The following SLTM variants were observed in gnomAD, a reference collection of about 807,000 sequenced individuals.
The protein encoded by SLTM is SAFB-like transcription modulator.
Under a neutral mutation model 134.6 loss-of-function variants are expected in SLTM, and 43 were observed. The observed-to-expected ratio is 0.32, with a 90% CI of 0.25 to 0.41. SLTM has a LOEUF of 0.41. Among genes scored for constraint, SLTM ranks in the 10% least tolerant of loss-of-function variants. The probability of loss-of-function intolerance (pLI) is 1.00; values close to 1 mark genes in which losing one functional copy is unlikely to be tolerated. For missense variants in SLTM, 1,055 were observed against 1,288.8 expected (o/e 0.82, Z 2.78); for synonymous variants, 424 against 432.3 (o/e 0.98, Z 0.24).
At chr15:58,925,180 A>G (rs1174360208) in intron 2 of SLTM, among the ~76,000 whole-genome samples, 6 of 152,172 alleles carry the variant, frequency 3.9e-5, no homozygotes, top group African/African-American at 9.6e-5. Flanking sequence ...CCTCTTCCCA[A>G]TTGCATGGAG....
At position 58,899,841 on chromosome 15, in the gene SLTM, A is replaced by C. The variant is rs766100233; in HGVS notation, c.686T>G (p.Met229Arg). ...AEADHTAHEE[M>R]EAHTTVKEAE... ...TTCTTTCACAGTCGTATGAGCTTCC[A>C]TCTCTTCATGAGCTGTGTGATCAGC... The change falls in exon 7 of 21, where the codon ATG becomes AGG. Residue 229 changes from methionine (M) to arginine (R), a missense_variant. Met to Arg is a moderately conservative substitution (Grantham distance 91, BLOSUM62 -1). Coordinates refer to ENST00000380516, the MANE Select transcript of SLTM (RefSeq NM_024755.4). This position sits in a 1 kb window ranked among gnomAD's most constrained non-coding sequence, Gnocchi z 5.0. 5 of 1,614,166 alleles carry C rather than the reference A, an allele frequency of 3.1e-6. No homozygotes were observed. The South Asian group carries it at 5.5e-5, about 18-fold the overall frequency.
chr15:58,887,032 C>A lies in SLTM; in HGVS notation c.2778G>T (p.Gly926=), dbSNP rs2140953847. 1 of 1,613,468 alleles carries A rather than the reference C, an allele frequency of 6.2e-7. No individual in the cohort carries two copies. Among genetic ancestry groups the A allele is most frequent in the South Asian group, 1.1e-5 (1 of 91,052 alleles). ...CTCTGTCTCCCTCTCTGCTCCCGTA[C>A]CCCGAAGCGCTGCTACGATTCCCAG... ...APPGNRSSAS[G]YGSREGDRGV... The change falls in exon 19 of 21, where the codon GGG becomes GGT. Residue 926 remains glycine, a synonymous_variant. Transcript: ENST00000380516.
At position 58,933,552 on chromosome 15, in the gene SLTM, G is replaced by A. The variant is rs1444857453; in HGVS notation, c.14C>T (p.Thr5Ile). ...GGCGGCCGAGGCTGCCACCGCACCG[G>A]TAGCGGCAGCCATCTTAGAAGAGCA... MAAA[T>I]GAVAASAASG... The change falls in exon 1 of 21, where the codon ACC (threonine) becomes ATC (isoleucine). Residue 5 changes from threonine (T) to isoleucine (I), a missense_variant. Thr to Ile is a moderately conservative substitution (Grantham distance 89). Around this residue, in one of 3 missense-constraint regions of SLTM, gnomAD observed 268 missense variants for 284.3 expected, o/e 0.94. Coordinates refer to ENST00000380516, the MANE Select transcript of SLTM (RefSeq NM_024755.4). 1.9e-6 allele frequency: 3 copies of A among 1,593,886 alleles called. No homozygotes were observed. Among genetic ancestry groups the A allele is most frequent in the Non-Finnish European group, 2.6e-6 (3 of 1,171,712 alleles).
intron 5 of SLTM, among the ~76,000 whole-genome samples, chr15:58,904,929 T>G (rs918368338): frequency 1.3e-5 from 2 of 152,146 alleles, no homozygotes; most frequent in Admixed American, 1.3e-4. Flanking sequence ...CAAGATGGTC[T>G]CTAACTCCCA....
Position 58,901,404 on chromosome 15 carries a change from T to C in SLTM, c.562-117A>G, listed in dbSNP as rs541140457. Reference sequence around the variant, plus strand: ...ATAATTTAATGATATTATTTAGGGATACCTAACACTAACAAATAAATAGGC... The same window carrying C: ...ATAATTTAATGATATTATTTAGGGACACCTAACACTAACAAATAAATAGGC... On this transcript the variant is annotated intron_variant, in intron 5 of 20. Coordinates refer to ENST00000380516, the MANE Select transcript of SLTM (RefSeq NM_024755.4). 16 of 758,134 alleles carry C rather than the reference T, an allele frequency of 2.1e-5. No individual in the cohort carries two copies. In the South Asian group the frequency reaches 2.6e-4, roughly 13 times the overall value. 47.0% of individuals were successfully genotyped at this position (758,134 alleles called of 1,614,324 possible).
At chr15:58,905,401 A>C (rs1289489661) in intron 5 of SLTM, among the ~76,000 whole-genome samples, 2 of 152,088 alleles carry the variant, frequency 1.3e-5, no homozygotes, top group African/African-American at 4.8e-5. Context: ...GACTAAATTA[A>C]CTTAAAGAAT....
In SLTM at chr15:58,933,660, C is replaced by CGCGCAGCGCT; in HGVS notation, c.-105_-96dup. ...CCCAGGCCTCGGCGGCCGCCGGCGC[C>CGCGCAGCGCT]GCGCAGCGCTGCGCACAATGAGCCG... is the stretch of plus-strand genomic sequence containing the variant. On this transcript the variant is annotated 5_prime_UTR_variant, in exon 1 of 21. Transcript: ENST00000380516. 2.9e-6 allele frequency: 4 copies of CGCGCAGCGCT among 1,362,966 alleles called. No homozygotes were observed. The highest frequency in any genetic ancestry group is 3.8e-6 in the Non-Finnish European group (4 of 1,063,072). 84.4% of individuals were successfully genotyped at this position (1,362,966 alleles called of 1,614,324 possible). A position where few individuals can be genotyped will look rare whatever the true frequency, so the allele number is the denominator to read the frequency against.
At chr15:58,919,466 G>A (rs1282851403) in intron 2 of SLTM, among the ~76,000 whole-genome samples, 1 of 152,002 alleles carries the variant, frequency 6.6e-6, no homozygotes, top group African/African-American at 2.4e-5. Context: ...TGGGTGTCGC[G>A]GTGTATGCCG....
intron 2 of SLTM, among the ~76,000 whole-genome samples, chr15:58,926,971 T>C (rs1478509009): frequency 1.3e-5 from 2 of 152,124 alleles, no homozygotes; most frequent in Admixed American, 6.6e-5. Context: ...AAATGACATA[T>C]ACAACCTCTG....
chr15:58,899,113 A>T lies in SLTM; in HGVS notation c.1059-261T>A. ...ATCTTCTCCAGATTTCAGGACTGGG[A>T]CTTGACTTCATTTTGTGTTCTTAGA... On this transcript the variant is annotated intron_variant, in intron 7 of 20. Coordinates refer to ENST00000380516, the MANE Select transcript of SLTM (RefSeq NM_024755.4). The surrounding 1 kb of genome is among the most constrained non-coding windows in gnomAD (Gnocchi z 5.0). 1 of 442,630 alleles carries T rather than the reference A, an allele frequency of 2.3e-6. No homozygotes were observed. The highest frequency in any genetic ancestry group is 4.0e-6 in the Non-Finnish European group (1 of 251,522). The allele number at this position is 442,630 out of a possible 1,614,324, so 27.4% of individuals were successfully genotyped here. A position where few individuals can be genotyped will look rare whatever the true frequency, so the allele number is the denominator to read the frequency against.
intron 2 of SLTM, among the ~76,000 whole-genome samples, chr15:58,917,919 T>C (rs1246541778): frequency 6.6e-6 from 1 of 151,996 alleles, no homozygotes; most frequent in Non-Finnish European, 1.5e-5. Context: ...CTGGCTAATT[T>C]TTGTATTTTT....
chr15:58,894,686 G>T (rs555140995), intron 9 of SLTM, 104 bp from the exon 10 acceptor site: 80 of 932,892 alleles, frequency 8.6e-5, no homozygotes, highest in African/African-American at 3.2e-4. Context: ...AATTCAGGGT[G>T]TATCTTATTC....
At chr15:58,921,478 A>C (rs2037040818) in intron 2 of SLTM, 2 of 259,276 alleles carry the variant, frequency 7.7e-6, no homozygotes, top group South Asian at 7.2e-5. Flanking sequence ...AGGCAACAAG[A>C]GGCAGCACTG....
chr15:58,887,437 T>C lies in SLTM; in HGVS notation c.2479A>G (p.Arg827Gly), dbSNP rs199993505. The change falls in exon 18 of 21, where the codon AGA (arginine) becomes GGA (glycine). Residue 827 changes from arginine to glycine, a missense_variant. Physicochemically the swap from Arg to Gly is moderately radical, Grantham distance 125. Transcript: ENST00000380516. ...CTTGGTGGTGGAGGCTCATTTCTTC[T>C]GGAGTCACTGAAATTTTTGGGATAT... The part of the protein sequence containing the change: ...ERYPKNFSDS[R>G]RNEPPPPRNE... 6.2e-7 allele frequency: 1 copy of C among 1,614,142 alleles called. No homozygotes were observed. The highest frequency in any genetic ancestry group is 1.7e-5 in the Admixed American group (1 of 60,014).
In SLTM at chr15:58,904,277, C is replaced by T. The variant is rs187970610; in HGVS notation, c.562-2990G>A. ...CTACCTGCCTCGGCCTCCCAAAGTG[C>T]TGGGATTACAGGCATGAGCTGCCAC... On this transcript the variant is annotated intron_variant, in intron 5 of 20. Coordinates refer to ENST00000380516, the MANE Select transcript of SLTM (RefSeq NM_024755.4). Among the ~76,000 whole-genome samples, 571 of 152,300 alleles carry T rather than the reference C, an allele frequency of 3.7e-3. 8 individuals carry two copies. The highest frequency in any genetic ancestry group is 0.033 in the Admixed American group (502 of 15,300).
In SLTM at chr15:58,930,376, C is replaced by T. The variant is rs752744342; in HGVS notation, c.250+1980G>A. ...AATTCCCGACCGCAGGTGATCCACC[C>T]GCCTCAGCCTCTCAAACTGCTGGGA... On this transcript the variant is annotated intron_variant, in intron 2 of 20. Transcript: ENST00000380516. Among the ~76,000 whole-genome samples the T allele has an allele frequency of 1.1e-3, 162 of 151,366 alleles. 1 individual carries two copies. The highest frequency in any genetic ancestry group is 2.0e-3 in the Non-Finnish European group (136 of 67,834).
At position 58,933,670 on chromosome 15, in the gene SLTM, T is replaced by G. The variant is rs1210949536; in HGVS notation, c.-105A>C. 6 of 1,327,392 alleles carry G rather than the reference T, an allele frequency of 4.5e-6. No homozygotes were observed. Among genetic ancestry groups the G allele is most frequent in the Non-Finnish European group, 4.8e-6 (5 of 1,041,456 alleles). 82.2% of individuals were successfully genotyped at this position (1,327,392 alleles called of 1,614,324 possible). A position where few individuals can be genotyped will look rare whatever the true frequency, so the allele number is the denominator to read the frequency against. ...GGCGGCCGCCGGCGCCGCGCAGCGC[T>G]GCGCACAATGAGCCGCTGGCCCCTC... is the stretch of plus-strand genomic sequence containing the variant. On this transcript the variant is annotated 5_prime_UTR_variant, in exon 1 of 21. Coordinates refer to ENST00000380516, the MANE Select transcript of SLTM (RefSeq NM_024755.4).
chr15:58,911,220 G>T (rs2036247782), intron 5 of SLTM, among the ~76,000 whole-genome samples: 2 of 152,082 alleles, frequency 1.3e-5, no homozygotes, highest in Non-Finnish European at 2.9e-5. Flanking sequence ...GCAATATATA[G>T]CCTCAGAAGC....
At chr15:58,908,186 G>A (rs1460658238) in intron 5 of SLTM, among the ~76,000 whole-genome samples, 1 of 151,278 alleles carries the variant, frequency 6.6e-6, no homozygotes, top group African/African-American at 2.4e-5. Context: ...TCTACCTCCT[G>A]AGTAGCTAGG....
Sources: allele counts gnomAD v4.1 joint callset (sites outside exome capture counted in the v4.1 genomes callset), GRCh38; gene constraint gnomAD v4.1.1; regional missense constraint gnomAD v4.1.1; non-coding constraint Gnocchi (gnomAD v3.1); transcripts MANE v1.5; gene names NCBI Gene and HGNC (gene_info 2026-07-23, HGNC 2026-07-21).